Variants in SYNPR observed in about 807,000 individuals in gnomAD.
The protein encoded by SYNPR is synaptoporin.
A neutral mutation model predicts 32.9 loss-of-function variants in SYNPR; 23 were observed. That is an observed-to-expected ratio of 0.70 (90% CI 0.50 to 0.99). SYNPR has a LOEUF of 0.99. Among genes scored for constraint, SYNPR ranks in the 50% least tolerant of loss-of-function variants. The pLI, the probability that SYNPR is intolerant of heterozygous loss-of-function variation, is 0.00. For missense variants in SYNPR, 318 were observed against 349.3 expected, an observed-to-expected ratio of 0.91 and a Z score of 0.71; for synonymous variants, 146 against 135.9, an observed-to-expected ratio of 1.07 and a Z score of -0.52.
intron 3 of SYNPR, among the ~76,000 whole-genome samples, chr3:63,489,430 C>G (rs1559514665): frequency 6.6e-6 from 1 of 152,132 alleles, no homozygotes; most frequent in Non-Finnish European, 1.5e-5. Flanking sequence ...TCATTGTATA[C>G]AGAAATGGTG....
chr3:63,371,370 G>C (rs904577204), intron 2 of SYNPR, among the ~76,000 whole-genome samples: 2 of 152,148 alleles, frequency 1.3e-5, no homozygotes, highest in African/African-American at 4.8e-5. Context: ...CTCTGGCAGT[G>C]GGGGAGGTCA....
At chr3:63,279,764 C>T (rs777412173) in intron 2 of SYNPR, among the ~76,000 whole-genome samples, 6 of 152,206 alleles carry the variant, frequency 3.9e-5, no homozygotes, top group Non-Finnish European at 7.3e-5. Flanking sequence ...TTATATCTGG[C>T]AGTGGCTACA....
chr3:63,443,015 G>T, intron 2 of SYNPR: 1 of 995,854 alleles, frequency 1.0e-6, no homozygotes, highest in Non-Finnish European at 1.2e-6. Flanking sequence ...GCTTGCAGGA[G>T]GAGGGGGCTG....
At chr3:63,534,648 T>C (rs1174243946) in intron 3 of SYNPR, among the ~76,000 whole-genome samples, 1 of 152,132 alleles carries the variant, frequency 6.6e-6, no homozygotes, top group Non-Finnish European at 1.5e-5. Context: ...AGAGGTTTAT[T>C]TGGCTTACAG....
rs148091894 is a variant in SYNPR, at chr3:63,255,104, A to G, written n.154+2518A>G. The stretch of plus-strand genomic sequence containing the variant: ...CTTGTTGGTTTTTACCCACTGGGTG[A>G]TAGTAGCACACCTTCCCCTGTCGTG... On this transcript the variant is annotated intron_variant and non_coding_transcript_variant, in intron 2 of 4. Coordinates refer to the SYNPR transcript ENST00000478456. Among the ~76,000 whole-genome samples the G allele has an allele frequency of 1.2e-3, 187 of 152,270 alleles. 2 individuals are homozygous for G. The highest frequency in any genetic ancestry group is 4.3e-3 in the African/African-American group (177 of 41,564).
chr3:63,336,552 A>G (rs1268143375), intron 2 of SYNPR, among the ~76,000 whole-genome samples: 1 of 82,114 alleles, frequency 1.2e-5, no homozygotes, highest in Non-Finnish European at 2.7e-5. Context: ...AAAAAAAAAA[A>G]AAAAAAAAAA....
intron 4 of SYNPR, among the ~76,000 whole-genome samples, chr3:63,598,829 T>A (rs911287642): frequency 6.6e-6 from 1 of 152,216 alleles, no homozygotes; most frequent in Non-Finnish European, 1.5e-5. Flanking sequence ...AATGTATGTA[T>A]GATAACCTAG....
intron 2 of SYNPR, among the ~76,000 whole-genome samples, chr3:63,400,886 C>T (rs1051566369): frequency 2.6e-5 from 4 of 152,012 alleles, no homozygotes; most frequent in Non-Finnish European, 5.9e-5. Flanking sequence ...AGCAGTAGGG[C>T]CAGTGTGTGA....
intron 3 of SYNPR, among the ~76,000 whole-genome samples, chr3:63,494,393 TTATATATA>T (rs60624781): frequency 3.6e-5 from 2 of 54,954 alleles, no homozygotes; most frequent in African/African-American, 1.3e-4. Flanking sequence ...ATGTTAATTC[TTATATATA>T]TATATATATA....
At chr3:63,552,289 T>C (rs1337012903) in intron 3 of SYNPR, among the ~76,000 whole-genome samples, 1 of 152,212 alleles carries the variant, frequency 6.6e-6, no homozygotes, top group Non-Finnish European at 1.5e-5. Flanking sequence ...GTGTATTATC[T>C]GAAAATCACC....
At chr3:63,204,628 C>T in the SYNPR span, among the ~76,000 whole-genome samples, 6 of 152,142 alleles carry the variant, frequency 3.9e-5, no homozygotes, top group African/African-American at 1.4e-4. Flanking sequence ...CTTGAATTAC[C>T]TAGATTCTTC....
the SYNPR span, among the ~76,000 whole-genome samples, chr3:63,209,225 G>A: frequency 4.2e-4 from 63 of 151,180 alleles, no homozygotes; most frequent in Non-Finnish European, 8.0e-4. Context: ...GGTTGAGGCA[G>A]GAGAATGGCA....
At chr3:63,606,412 C>CCTTA (rs1700120029) in intron 4 of SYNPR, among the ~76,000 whole-genome samples, 1 of 56,080 alleles carries the variant, frequency 1.8e-5, no homozygotes, top group Non-Finnish European at 3.6e-5. Context: ...GACCTCAAAT[C>CCTTA]CTTTCTTTTT....
At chr3:63,441,119 C>T (rs1191881057) in intron 2 of SYNPR, among the ~76,000 whole-genome samples, 1 of 152,182 alleles carries the variant, frequency 6.6e-6, no homozygotes, top group African/African-American at 2.4e-5. Context: ...TGACTCTGTA[C>T]TTTCAGATAA....
chr3:63,277,772 G>A (rs919673244), upstream of SYNPR, among the ~76,000 whole-genome samples: 2 of 151,872 alleles, frequency 1.3e-5, no homozygotes, highest in Non-Finnish European at 2.9e-5. Flanking sequence ...TCTGCTCTGC[G>A]CCACTGTCCA....
chr3:63,404,875 C>A (rs2088339424), intron 2 of SYNPR, among the ~76,000 whole-genome samples: 1 of 152,108 alleles, frequency 6.6e-6, no homozygotes, highest in Admixed American at 6.6e-5. Flanking sequence ...AATTAACCTC[C>A]CCTCTCAAGC....
intron 2 of SYNPR, among the ~76,000 whole-genome samples, chr3:63,374,580 CTAAAA>C (rs982354438): frequency 6.6e-6 from 1 of 152,070 alleles, no homozygotes; most frequent in African/African-American, 2.4e-5. Context: ...ACCCCTGAAC[CTAAAA>C]TAAAAGTTAA....
chr3:63,544,212 A>T (rs1313441667), intron 3 of SYNPR, among the ~76,000 whole-genome samples: 1 of 152,120 alleles, frequency 6.6e-6, no homozygotes, highest in East Asian at 1.9e-4. Context: ...TCACCTGCAA[A>T]GCATTGGAGA....
the SYNPR span, among the ~76,000 whole-genome samples, chr3:63,222,011 A>ATTTTTT: frequency 8.2e-3 from 464 of 56,400 alleles, 67 homozygotes; most frequent in African/African-American, 9.4e-3. Context: ...GCCATGCTCA[A>ATTTTTT]TTTTTTTTTT....
Sources: gnomAD v4.1 joint callset for allele counts (sites outside exome capture counted in the v4.1 genomes callset) on GRCh38, gnomAD v4.1.1 for gene constraint, MANE v1.5 for transcripts, NCBI Gene and HGNC (gene_info 2026-07-23, HGNC 2026-07-21) for gene names.